MASP1: variants seen among roughly 807,000 people sequenced by gnomAD.
MASP1 encodes the protein mannan-binding lectin serine protease 1.
A neutral mutation model predicts 77.1 loss-of-function variants in MASP1; 59 were observed. The ratio of observed to expected loss-of-function variants is 0.77; its 90% CI spans 0.62 to 0.95. The LOEUF is 0.95. Ranked by LOEUF, MASP1 falls within the 40% of genes least tolerant of loss-of-function variation. The pLI, the probability that MASP1 is intolerant of heterozygous loss-of-function variation, is 0.00. For missense variants in MASP1, 885 were observed against 912.9 expected (o/e 0.97, Z 0.39); for synonymous variants, 362 against 354.5 (o/e 1.02, Z -0.24).
At chr3:187,280,147 G>T (rs1717294756) in intron 2 of MASP1, among the ~76,000 whole-genome samples, 1 of 152,198 alleles carries the variant, frequency 6.6e-6, no homozygotes, top group Non-Finnish European at 1.5e-5. Flanking sequence ...TAGGCTAGAT[G>T]GGGAGAGGCT....
intron 2 of MASP1, among the ~76,000 whole-genome samples, chr3:187,278,965 C>T (rs1045576780): frequency 2.0e-4 from 31 of 152,134 alleles, no homozygotes; most frequent in African/African-American, 7.2e-5. Context: ...GTCACATCCC[C>T]GAACCCCACT....
At chr3:187,287,181 C>T (rs577389185) in intron 1 of MASP1, among the ~76,000 whole-genome samples, 10 of 152,330 alleles carry the variant, frequency 6.6e-5, no homozygotes, top group East Asian at 1.9e-4. Context: ...CAGGGTAAAG[C>T]GTCTGCTCCT....
exon 16 of MASP1, chr3:187,219,123 G>GAGC (rs1050818542): frequency 2.6e-5 from 4 of 152,256 alleles, no homozygotes; most frequent in Admixed American, 6.5e-5. Context: ...GGTATTTCAG[G>GAGC]AGCAGCAGCA....
chr3:187,250,367 G>T, intron 7 of MASP1, 38 bp from the exon 8 acceptor site: 1 of 1,471,886 alleles, frequency 6.8e-7, no homozygotes, highest in Non-Finnish European at 9.5e-7. Flanking sequence ...GGAAGAAGGA[G>T]GTGGGGGTGG....
intron 13 of MASP1, among the ~76,000 whole-genome samples, chr3:187,224,379 C>T (rs1367724162): frequency 1.4e-5 from 2 of 140,222 alleles, no homozygotes; most frequent in Non-Finnish European, 3.0e-5. Flanking sequence ...CGGAGTCTCG[C>T]TCTGTCGCCC....
At chr3:187,228,890 G>A (rs1012301183) in intron 11 of MASP1, among the ~76,000 whole-genome samples, 44 of 152,202 alleles carry the variant, frequency 2.9e-4, no homozygotes, top group African/African-American at 1.0e-3. Context: ...CTCTAGCCCA[G>A]ACCTGATGCC....
chr3:187,247,989 C>T (rs1332260830), intron 8 of MASP1, among the ~76,000 whole-genome samples: 2 of 152,026 alleles, frequency 1.3e-5, no homozygotes, highest in African/African-American at 2.4e-5. Context: ...ACTTGTAAGC[C>T]CCAGAAGCCT....
At chr3:187,230,539 A>G (rs1179076929), downstream of MASP1, among the ~76,000 whole-genome samples, 2 of 152,228 alleles carry the variant, frequency 1.3e-5, no homozygotes, top group African/African-American at 4.8e-5. Flanking sequence ...CACAGCTAAT[A>G]AAGAATCATT....
chr3:187,271,616 GT>G (rs1716523130), intron 2 of MASP1, among the ~76,000 whole-genome samples: 1 of 152,094 alleles, frequency 6.6e-6, no homozygotes, highest in South Asian at 2.1e-4. Context: ...TAGAGTAACT[GT>G]TAGCAATGGT....
chr3:187,217,711 A>T (rs973509953), exon 16 of MASP1: 2 of 152,188 alleles, frequency 1.3e-5, no homozygotes, highest in African/African-American at 4.8e-5. Context: ...CTTGGACCTT[A>T]GCAGCAGTGC....
chr3:187,234,477 A>G lies in MASP1; in HGVS notation c.*1207T>C. 4 of 1,286,170 alleles carry G rather than the reference A, an allele frequency of 3.1e-6. No individual in the cohort carries two copies. Among genetic ancestry groups the G allele is most frequent in the Non-Finnish European group, 1.0e-6 (1 of 987,692 alleles). The allele number at this position is 1,286,170 out of a possible 1,614,324, so 79.7% of individuals were successfully genotyped here. ...GGAGAACCAGAGACTCAGACAAAGA[A>G]AATGATTTTTCAAAGGTTATACAGC... On this transcript the variant is annotated 3_prime_UTR_variant, in exon 11 of 11. Coordinates refer to ENST00000296280, the MANE Select transcript of MASP1 (RefSeq NM_139125.4).
downstream of MASP1, among the ~76,000 whole-genome samples, chr3:187,232,223 C>A (rs1712806610): frequency 6.6e-6 from 1 of 151,068 alleles, no homozygotes; most frequent in African/African-American, 2.5e-5. Flanking sequence ...GTTTCTGATC[C>A]CTTCCCCCCC....
chr3:187,234,546 C>G lies in MASP1; in HGVS notation c.*1138G>C, dbSNP rs1309905233. ...GGACTAGAACCCAGGACTCCTGGCT[C>G]TTTTCACTGCCTGCCATGGGTGAGC... On this transcript the variant is annotated 3_prime_UTR_variant, in exon 11 of 11. Coordinates refer to ENST00000296280, the MANE Select transcript of MASP1 (RefSeq NM_139125.4). 7 of 1,287,246 alleles carry G rather than the reference C, an allele frequency of 5.4e-6. No individual in the cohort carries two copies. Among genetic ancestry groups the G allele is most frequent in the Non-Finnish European group, 7.1e-6 (7 of 988,698 alleles). 79.7% of individuals were successfully genotyped at this position (1,287,246 alleles called of 1,614,324 possible). A position where few individuals can be genotyped will look rare whatever the true frequency, so the allele number is the denominator to read the frequency against.
intron 2 of MASP1, among the ~76,000 whole-genome samples, chr3:187,284,127 C>T (rs1293629265): frequency 6.6e-6 from 1 of 152,184 alleles, no homozygotes; most frequent in Non-Finnish European, 1.5e-5. Context: ...ACCAGTTCCA[C>T]ATTTTCTCAT....
At position 187,236,148 on chromosome 3, in the gene MASP1, G is replaced by A. The variant is rs1430782002; in HGVS notation, c.1723C>T (p.Pro575Ser). 6.2e-7 allele frequency: 1 copy of A among 1,613,970 alleles called. No homozygotes were observed. The highest frequency in any genetic ancestry group is 8.5e-7 in the Non-Finnish European group (1 of 1,180,032). The change falls in exon 11 of 11, where the codon CCA becomes TCA. Residue 575 changes from proline to serine, a missense_variant. Pro to Ser is a moderately conservative substitution (Grantham distance 74, BLOSUM62 -1). Coordinates refer to ENST00000296280, the MANE Select transcript of MASP1 (RefSeq NM_139125.4). ...GCCGGGCCTTCAGGCTCAAGCCTTG[G>A]CAGGCAGACAGGCATAACGTGGGGT... The part of the protein sequence containing the change: ...LGPHVMPVCL[P>S]RLEPEGPAPH...
rs943204350 is a variant in MASP1, at chr3:187,256,923, T to C, written c.548-63A>G. 18 of 1,424,186 alleles carry C rather than the reference T, an allele frequency of 1.3e-5. No homozygotes were observed. The African/African-American group carries it at 2.4e-4, about 19-fold the overall frequency. The allele number at this position is 1,424,186 out of a possible 1,614,324, so 88.2% of individuals were successfully genotyped here. On this transcript the variant is annotated intron_variant, in intron 4 of 10. Coordinates refer to ENST00000296280, the MANE Select transcript of MASP1 (RefSeq NM_139125.4). Reference sequence around the variant, plus strand: ...CCACAGCCATAGCAAGCCTGGCTTATCTGTTACTATATGATTTTCCCAATG... The same window carrying C: ...CCACAGCCATAGCAAGCCTGGCTTACCTGTTACTATATGATTTTCCCAATG...
intron 3 of MASP1, among the ~76,000 whole-genome samples, chr3:187,261,916 T>A (rs532467214): frequency 1.3e-5 from 2 of 152,238 alleles, no homozygotes; most frequent in East Asian, 1.9e-4. Flanking sequence ...TACTGATGCA[T>A]GCGACACATG....
intron 5 of MASP1, among the ~76,000 whole-genome samples, chr3:187,256,254 A>G (rs1406253032): frequency 1.3e-5 from 2 of 152,230 alleles, no homozygotes; most frequent in Admixed American, 6.5e-5. Context: ...TAAAATTTTC[A>G]TACATTCTTC....
chr3:187,278,785 C>A lies in MASP1; in HGVS notation c.237+7040G>T, dbSNP rs549904562. ...TGCTCTTCCATAGCTGTCCAGGAGG[C>A]CTGTGGGCTTTCTTGAAGTATACTA... On this transcript the variant is annotated intron_variant, in intron 2 of 10. Transcript: ENST00000296280. 3.3e-5 allele frequency among the ~76,000 whole-genome samples: 5 copies of A among 152,292 alleles called. No individual in the cohort carries two copies. In the South Asian group the frequency reaches 8.3e-4, roughly 25 times the overall value.
Sources: gnomAD v4.1 joint callset for allele counts (sites outside exome capture counted in the v4.1 genomes callset) on GRCh38, gnomAD v4.1.1 for gene constraint, MANE v1.5 for transcripts, NCBI Gene and HGNC (gene_info 2026-07-23, HGNC 2026-07-21) for gene names.